GRM8: variants seen among roughly 807,000 people sequenced by gnomAD.
GRM8 encodes glutamate metabotropic receptor 8, also known as metabotropic glutamate receptor 8.
Under a neutral mutation model 87.2 loss-of-function variants are expected in GRM8, and 47 were observed. The observed-to-expected ratio is 0.54, with a 90% CI of 0.43 to 0.69. GRM8 has a LOEUF of 0.69. GRM8 is among the 30% of genes least tolerant of loss of function. GRM8 has a pLI of 0.00. For synonymous variants in GRM8, 396 were observed against 404.5 expected (o/e 0.98, Z 0.25); for missense variants, 1,019 against 1,139.2 (o/e 0.89, Z 1.52).
intron 3 of GRM8, among the ~76,000 whole-genome samples, chr7:126,932,212 G>A (rs1267248046): frequency 6.6e-6 from 1 of 152,070 alleles, no homozygotes; most frequent in African/African-American, 2.4e-5. Context: ...TCTTTCTTTA[G>A]AATCTATTAA....
chr7:127,237,039 G>C (rs1056788224), intron 2 of GRM8, among the ~76,000 whole-genome samples: 1 of 152,150 alleles, frequency 6.6e-6, no homozygotes, highest in African/African-American at 2.4e-5. Context: ...GTGAGAAAAG[G>C]ATCCCCAAAG....
intron 7 of GRM8, among the ~76,000 whole-genome samples, chr7:126,708,357 T>G (rs1810759265): frequency 1.3e-5 from 2 of 151,948 alleles, no homozygotes; most frequent in Non-Finnish European, 2.9e-5. Context: ...TACCATATGA[T>G]CCAACAAATC....
intron 8 of GRM8, among the ~76,000 whole-genome samples, chr7:126,561,674 G>C (rs942538471): frequency 4.0e-5 from 6 of 150,924 alleles, no homozygotes; most frequent in African/African-American, 1.5e-4. Flanking sequence ...TGTGCACAAC[G>C]TGCAGGTTTG....
At chr7:126,539,621 A>G (rs1403808039) in intron 8 of GRM8, among the ~76,000 whole-genome samples, 1 of 152,108 alleles carries the variant, frequency 6.6e-6, no homozygotes, top group Non-Finnish European at 1.5e-5. Flanking sequence ...TAGAGAGTCC[A>G]GAAATAAACC....
At chr7:126,935,010 C>T (rs1339292848) in intron 3 of GRM8, among the ~76,000 whole-genome samples, 1 of 152,054 alleles carries the variant, frequency 6.6e-6, no homozygotes, top group East Asian at 1.9e-4. Context: ...AAATCTTGTA[C>T]ATGTAAAGAA....
chr7:126,548,425 A>T (rs1185915813), intron 8 of GRM8, among the ~76,000 whole-genome samples: 1 of 152,194 alleles, frequency 6.6e-6, no homozygotes, highest in Non-Finnish European at 1.5e-5. Flanking sequence ...TTATATAAAA[A>T]CCAAAACAGA....
chr7:126,720,208 G>GCATAAT (rs1812233738), intron 7 of GRM8, among the ~76,000 whole-genome samples: 1 of 151,350 alleles, frequency 6.6e-6, no homozygotes, highest in African/African-American at 2.4e-5. Context: ...GAGTACAGTG[G>GCATAAT]CATAATCATT....
chr7:126,963,209 A>C (rs1324374411), intron 3 of GRM8, among the ~76,000 whole-genome samples: 1 of 152,172 alleles, frequency 6.6e-6, no homozygotes, highest in African/African-American at 2.4e-5. Flanking sequence ...GGCCAGATTC[A>C]AGTGACTATT....
At chr7:126,619,414 A>G (rs537984717) in intron 7 of GRM8, among the ~76,000 whole-genome samples, 5 of 152,070 alleles carry the variant, frequency 3.3e-5, no homozygotes, top group Non-Finnish European at 7.4e-5. Flanking sequence ...TAAGAGATAT[A>G]CCGACAAGTT....
At chr7:126,687,343 T>C (rs1012341410) in intron 7 of GRM8, among the ~76,000 whole-genome samples, 1 of 152,204 alleles carries the variant, frequency 6.6e-6, no homozygotes, top group Non-Finnish European at 1.5e-5. Context: ...AGAAATCACT[T>C]TATCTCCACT....
intron 3 of GRM8, among the ~76,000 whole-genome samples, chr7:126,906,573 T>C (rs1468647320): frequency 6.6e-6 from 1 of 152,176 alleles, no homozygotes; most frequent in African/African-American, 2.4e-5. Flanking sequence ...ATCCATTAGG[T>C]TCATCAGCAG....
At chr7:126,552,975 T>C (rs1324865652) in intron 8 of GRM8, among the ~76,000 whole-genome samples, 1 of 152,146 alleles carries the variant, frequency 6.6e-6, no homozygotes, top group Non-Finnish European at 1.5e-5. Context: ...TTACTTCAAA[T>C]GATTTTTCAG....
intron 6 of GRM8, among the ~76,000 whole-genome samples, chr7:126,793,932 A>G (rs1464862781): frequency 6.6e-6 from 1 of 152,202 alleles, no homozygotes; most frequent in African/African-American, 2.4e-5. Context: ...TGGTTAATCA[A>G]TAATGCCTTA....
chr7:127,138,761 A>C (rs1828091606), intron 2 of GRM8, among the ~76,000 whole-genome samples: 2 of 152,178 alleles, frequency 1.3e-5, no homozygotes, highest in African/African-American at 4.8e-5. Context: ...TTTAGTGACG[A>C]AAAGCACTGA....
chr7:126,891,190 C>T (rs1800968791), intron 6 of GRM8, among the ~76,000 whole-genome samples: 1 of 152,048 alleles, frequency 6.6e-6, no homozygotes, highest in African/African-American at 2.4e-5. Context: ...CTTTAACATG[C>T]AATTAATTGC....
chr7:126,814,023 G>A (rs1003046955), intron 6 of GRM8, among the ~76,000 whole-genome samples: 1 of 152,030 alleles, frequency 6.6e-6, no homozygotes, highest in Non-Finnish European at 1.5e-5. Flanking sequence ...GGAGGCCAAA[G>A]TTATTTCCAC....
intron 6 of GRM8, among the ~76,000 whole-genome samples, chr7:126,831,714 G>T (rs1795398444): frequency 1.3e-5 from 2 of 152,058 alleles, no homozygotes; most frequent in Admixed American, 6.5e-5. Flanking sequence ...CCACTGTCTG[G>T]CACTCCCTAG....
intron 3 of GRM8, among the ~76,000 whole-genome samples, chr7:126,991,074 G>A (rs948225041): frequency 6.6e-6 from 1 of 151,950 alleles, no homozygotes; most frequent in Admixed American, 6.6e-5. Flanking sequence ...TTGCTATGTG[G>A]ATTAAATTTT....
chr7:126,883,800 T>C (rs2535935), intron 6 of GRM8, among the ~76,000 whole-genome samples: 54,435 of 151,868 alleles, frequency 0.36, 10,363 homozygotes, highest in East Asian at 0.66. Context: ...GTATATCCCA[T>C]GTCTATTGGT....
Sources: gnomAD v4.1 joint callset for allele counts (sites outside exome capture counted in the v4.1 genomes callset) on GRCh38, gnomAD v4.1.1 for gene constraint, MANE v1.5 for transcripts, NCBI Gene and HGNC (gene_info 2026-07-23, HGNC 2026-07-21) for gene names.